BRF1: variants seen among roughly 807,000 people sequenced by gnomAD.
BRF1 encodes transcription factor IIIB 90 kDa subunit.
Under a neutral mutation model 81.7 loss-of-function variants are expected in BRF1, and 59 were observed. That is an observed-to-expected ratio of 0.72 (90% CI 0.59 to 0.90). BRF1 has a LOEUF of 0.90. Among genes scored for constraint, BRF1 ranks in the 40% least tolerant of loss-of-function variants. BRF1 has a pLI of 0.00. For synonymous variants in BRF1, 491 were observed against 395.6 expected (o/e 1.24, Z -2.86); for missense variants, 1,050 against 936.3 (o/e 1.12, Z -1.58).
At chr14:105,290,158 G>A (rs1025281901) in intron 1 of BRF1, among the ~76,000 whole-genome samples, 2 of 152,076 alleles carry the variant, frequency 1.3e-5, no homozygotes, top group Non-Finnish European at 2.9e-5. Context: ...AGTGGCTCAC[G>A]CCTATAACCC....
rs750634947 is a variant in BRF1, at chr14:105,215,953, GCA to G, written c.1772+1589_1772+1590del. The stretch of plus-strand genomic sequence containing the variant: ...ACACACACTGCATACACAGACACAG[GCA>G]CACACACACATGCACACACACTGCA... On this transcript the variant is annotated intron_variant, in intron 15 of 17. Transcript: ENST00000547530. Among the ~76,000 whole-genome samples the G allele has an allele frequency of 6.0e-4, 66 of 109,466 alleles. 1 individual carries two copies. Among genetic ancestry groups the G allele is most frequent in the East Asian group, 3.0e-3 (10 of 3,326 alleles). The allele number at this position is 109,466 out of a possible 152,430, so 71.8% of individuals were successfully genotyped here.
At chr14:105,291,256 C>T (rs1030323055) in intron 1 of BRF1, among the ~76,000 whole-genome samples, 1 of 152,276 alleles carries the variant, frequency 6.6e-6, no homozygotes, top group Middle Eastern at 3.4e-3. Context: ...CCCATACCGC[C>T]GAACAGACAG....
At chr14:105,249,482 A>G (rs370475637) in intron 5 of BRF1, 2 of 1,546,276 alleles carry the variant, frequency 1.3e-6, no homozygotes, top group African/African-American at 2.7e-5. Context: ...TCTTAAAGTA[A>G]GTCCACTCTA....
chr14:105,219,380 C>G, intron 12 of BRF1, 148 bp from the exon 13 acceptor site: 1 of 1,459,548 alleles, frequency 6.9e-7, no homozygotes, highest in Admixed American at 2.4e-5. Context: ...TGGGCTGAGG[C>G]CTCATCGCGC....
In BRF1 at chr14:105,315,119, C is replaced by T. The variant is rs1402313295; in HGVS notation, c.-162+203G>A. 14 of 872,110 alleles carry T rather than the reference C, an allele frequency of 1.6e-5. No individual in the cohort carries two copies. Among genetic ancestry groups the T allele is most frequent in the Non-Finnish European group, 2.0e-5 (14 of 715,940 alleles). 54.0% of individuals were successfully genotyped at this position (872,110 alleles called of 1,614,324 possible). A position where few individuals can be genotyped will look rare whatever the true frequency, so the allele number is the denominator to read the frequency against. ...CCGCGGCCTCTGCGCGCCCCATCCCCGGCCCGGGTCCCCCAGCGGAGCCCA... is the reference window on the plus strand; with the variant it reads ...CCGCGGCCTCTGCGCGCCCCATCCCTGGCCCGGGTCCCCCAGCGGAGCCCA... On this transcript the variant is annotated intron_variant, in intron 1 of 17. Transcript: ENST00000327359. This position sits in a 1 kb window ranked among gnomAD's most constrained non-coding sequence, Gnocchi z 4.4.
intron 1 of BRF1, among the ~76,000 whole-genome samples, chr14:105,288,291 A>G (rs779629948): frequency 1.4e-4 from 21 of 151,636 alleles, no homozygotes; most frequent in African/African-American, 4.4e-4. Flanking sequence ...TGTCTCTACT[A>G]AAAATACAAA....
At position 105,279,163 on chromosome 14, in the gene BRF1, T is replaced by G. The variant is rs587611728; in HGVS notation, c.266-6269A>C. ...GGTTGAGGCTGCAAGGAGCATCGAC[T>G]GCACCACTGCACTCCAGCCCGGACC... On this transcript the variant is annotated intron_variant, in intron 2 of 17. Coordinates refer to ENST00000547530, the MANE Select transcript of BRF1 (RefSeq NM_001519.4). 8.6e-5 allele frequency among the ~76,000 whole-genome samples: 13 copies of G among 151,906 alleles called. No homozygotes were observed. The East Asian group carries it at 2.5e-3, about 29-fold the overall frequency.
intron 15 of BRF1, among the ~76,000 whole-genome samples, chr14:105,216,094 C>T (rs894285436): frequency 1.2e-4 from 18 of 151,290 alleles, no homozygotes; most frequent in East Asian, 2.0e-4. Context: ...ATACTGCATG[C>T]GCACAGACAC....
chr14:105,225,620 A>T (rs1892960534), intron 10 of BRF1, among the ~76,000 whole-genome samples: 1 of 151,826 alleles, frequency 6.6e-6, no homozygotes, highest in Non-Finnish European at 1.5e-5. Flanking sequence ...TGGCCCCGCA[A>T]AGCTGTCTTT....
rs1490300096 is a variant in BRF1 at position 105,221,930 on chromosome 14, C to T, written c.1049-16G>A. 14 of 1,553,666 alleles carry T rather than the reference C, an allele frequency of 9.0e-6. No homozygotes were observed. The highest frequency in any genetic ancestry group is 1.1e-5 in the Non-Finnish European group (13 of 1,155,134). The stretch of plus-strand genomic sequence containing the variant: ...TCGGTGGAGCCTAGGTGTACACAAT[C>T]CACCTGTTAACCAGGCAGAGGGCCA... On this transcript the variant is annotated splice_polypyrimidine_tract_variant and intron_variant, in intron 10 of 17. Coordinates refer to ENST00000547530, the MANE Select transcript of BRF1 (RefSeq NM_001519.4).
intron 3 of BRF1, among the ~76,000 whole-genome samples, chr14:105,259,611 G>A (rs2056051727): frequency 1.3e-5 from 2 of 152,110 alleles, no homozygotes; most frequent in South Asian, 4.1e-4. Flanking sequence ...CACCATGGGC[G>A]CCTCTCAAAA....
At chr14:105,305,059 G>A (rs2058147561), upstream of BRF1, among the ~76,000 whole-genome samples, 2 of 152,230 alleles carry the variant, frequency 1.3e-5, no homozygotes. Context: ...GCCTTTGGGA[G>A]ATGAGGTCAT....
intron 5 of BRF1, chr14:105,250,878 C>T (rs970784897): frequency 3.0e-5 from 18 of 607,046 alleles, no homozygotes; most frequent in African/African-American, 1.1e-4. Flanking sequence ...GTGGGGTGCA[C>T]GTCTCAGGTG....
chr14:105,241,128 G>C, intron 6 of BRF1, 137 bp downstream of exon 6: 9 of 1,400,166 alleles, frequency 6.4e-6, no homozygotes, highest in South Asian at 1.4e-5. Context: ...GGCCAGGCCA[G>C]AGTCAGCCCC....
chr14:105,313,008 C>T (rs1280164372), intron 1 of BRF1, among the ~76,000 whole-genome samples: 1 of 152,180 alleles, frequency 6.6e-6, no homozygotes, highest in East Asian at 1.9e-4. Flanking sequence ...ACAGAACTGT[C>T]ACGTCCCTTA....
chr14:105,289,667 G>A (rs963729162), intron 1 of BRF1, among the ~76,000 whole-genome samples: 6 of 151,908 alleles, frequency 3.9e-5, no homozygotes, highest in East Asian at 3.9e-4. Context: ...ACGGAGTCTC[G>A]CTCTATCGCC....
intron 17 of BRF1, 56 bp downstream of exon 17, chr14:105,211,066 A>G: frequency 6.3e-7 from 1 of 1,595,578 alleles, no homozygotes; most frequent in Non-Finnish European, 8.5e-7. Flanking sequence ...CATGAGGGGC[A>G]GTAGCTGATG....
chr14:105,214,948 C>T (rs74092222), intron 15 of BRF1, among the ~76,000 whole-genome samples: 102 of 152,322 alleles, frequency 6.7e-4, no homozygotes, highest in African/African-American at 2.1e-3. Context: ...GCCCTTCTGT[C>T]CCCAGGTAGA....
chr14:105,241,333 C>G lies in BRF1; in HGVS notation c.626G>C (p.Arg209Thr). 1 of 1,612,816 alleles carries G rather than the reference C, an allele frequency of 6.2e-7. No homozygotes were observed. The highest frequency in any genetic ancestry group is 8.5e-7 in the Non-Finnish European group (1 of 1,179,954). Residue 209 changes from arginine to threonine, a missense_variant, in exon 6 of 18, where the codon AGG (arginine) becomes ACG (threonine). Physicochemically the swap from Arg to Thr is moderately conservative, Grantham distance 71. Coordinates refer to ENST00000547530, the MANE Select transcript of BRF1 (RefSeq NM_001519.4). ...GTCCCGCTTCATCCTCTGTAGGAGC[C>G]TCAGGGCAGTCATGGACACCTCGTG... ...KNHEVSMTAL[R>T]LLQRMKRDWM... is the part of the protein sequence containing the mutation.
Sources: allele counts gnomAD v4.1 joint callset (sites outside exome capture counted in the v4.1 genomes callset), GRCh38; gene constraint gnomAD v4.1.1; non-coding constraint Gnocchi (gnomAD v3.1); transcripts MANE v1.5; gene names NCBI Gene and HGNC (gene_info 2026-07-23, HGNC 2026-07-21).